TCAIM: variants seen among roughly 807,000 people sequenced by gnomAD.
The protein encoded by TCAIM is T-cell activation inhibitor, mitochondrial.
Under a neutral mutation model 58.6 loss-of-function variants are expected in TCAIM, and 36 were observed. The observed-to-expected ratio is 0.61, with a 90% CI of 0.47 to 0.81. The LOEUF is 0.81. Among genes scored for constraint, TCAIM ranks in the 30% least tolerant of loss-of-function variants. TCAIM has a pLI of 0.00. For missense variants in TCAIM, 466 were observed against 579.6 expected, an observed-to-expected ratio of 0.80 and a Z score of 2.01; for synonymous variants, 172 against 193.6, an observed-to-expected ratio of 0.89 and a Z score of 0.93.
intron 1 of TCAIM, among the ~76,000 whole-genome samples, chr3:44,342,991 G>A (rs377731806): frequency 7.9e-5 from 12 of 152,024 alleles, no homozygotes; most frequent in African/African-American, 1.9e-4. Flanking sequence ...ACAAAAATTC[G>A]CTGGGTGCGG....
intron 5 of TCAIM, among the ~76,000 whole-genome samples, chr3:44,376,827 G>A (rs1447966587): frequency 3.9e-5 from 6 of 152,192 alleles, no homozygotes; most frequent in Non-Finnish European, 7.3e-5. Context: ...GGTGGCTCAC[G>A]CCTGTAATCC....
intron 5 of TCAIM, among the ~76,000 whole-genome samples, chr3:44,381,385 G>T (rs1701652847): frequency 6.6e-6 from 1 of 152,034 alleles, no homozygotes; most frequent in South Asian, 2.1e-4. Flanking sequence ...CATCTAGAAT[G>T]ATCATGATGC....
chr3:44,394,559 G>T (rs1038092246), intron 6 of TCAIM, among the ~76,000 whole-genome samples: 2 of 151,900 alleles, frequency 1.3e-5, no homozygotes, highest in Admixed American at 6.6e-5. Context: ...ACAGTATCAT[G>T]GAGAAATTTC....
At chr3:44,402,321 G>A (rs1000693296) in intron 10 of TCAIM, among the ~76,000 whole-genome samples, 1 of 152,116 alleles carries the variant, frequency 6.6e-6, no homozygotes. Context: ...GAGGTGGGAG[G>A]ATTGATTGAG....
chr3:44,363,920 C>CTTT (rs56361211), intron 4 of TCAIM, among the ~76,000 whole-genome samples: 983 of 67,412 alleles, frequency 0.015, 100 homozygotes, highest in Non-Finnish European at 0.021. Context: ...GCAAGTCTGT[C>CTTT]TTTTTTTTTT....
chr3:44,398,490 T>TAGATAGAG (rs1701973551), intron 8 of TCAIM, among the ~76,000 whole-genome samples: 1 of 149,770 alleles, frequency 6.7e-6, no homozygotes, highest in South Asian at 2.2e-4. Context: ...GATAGATAGA[T>TAGATAGAG]AGATAGATAA....
rs753957351 is a variant in TCAIM, at chr3:44,407,496, G to A, written c.1305G>A (p.Leu435=). The A allele has an allele frequency of 4.3e-6, 7 of 1,612,026 alleles. No individual in the cohort carries two copies. In the South Asian group the frequency reaches 7.7e-5, roughly 18 times the overall value. The change falls in exon 11 of 11, where the codon TTG becomes TTA. Residue 435 remains leucine (L), a synonymous_variant. Coordinates refer to ENST00000342649, the MANE Select transcript of TCAIM (RefSeq NM_173826.4). ...LIQASTKKFS[L]EKLYKEPSIS... ...AGGCATCAACAAAGAAATTTTCTTT[G>A]GAGAAGTTATATAAAGAGCCCAGCA...
In TCAIM at chr3:44,396,809, T is replaced by G; in HGVS notation, c.860T>G (p.Met287Arg). The change falls in exon 8 of 11, where the codon ATG (methionine) becomes AGG (arginine). Residue 287 changes from methionine to arginine, a missense_variant. Transcript: ENST00000342649. ...SAVGHVMLGT[M>R]DVHHHWTKLF... ...GTGGGCCATGTGATGCTAGGAACAA[T>G]GGATGTCCATCACCACTGGACAAAA... 1 of 1,614,136 alleles carries G rather than the reference T, an allele frequency of 6.2e-7. No homozygotes were observed. The highest frequency in any genetic ancestry group is 8.5e-7 in the Non-Finnish European group (1 of 1,179,998).
chr3:44,388,495 G>A (rs1177674211), intron 5 of TCAIM, among the ~76,000 whole-genome samples: 3 of 152,148 alleles, frequency 2.0e-5, no homozygotes, highest in Non-Finnish European at 4.4e-5. Flanking sequence ...GTTGTTTTCA[G>A]TGTATTATAT....
In TCAIM at chr3:44,357,819, G is replaced by A; in HGVS notation, c.108G>A (p.Leu36=). The stretch of plus-strand genomic sequence containing the variant: ...CGGGAGCTGAAGCAGTCAATGCCTT[G>A]AGGCCTTTCTATTTTGCAGTACATC... ...ALSGAEAVNA[L]RPFYFAVHPD... Residue 36 remains leucine, a synonymous_variant, in exon 3 of 11, where the codon TTG becomes TTA. Coordinates refer to ENST00000342649, the MANE Select transcript of TCAIM (RefSeq NM_173826.4). 1 of 1,614,156 alleles carries A rather than the reference G, an allele frequency of 6.2e-7. No homozygotes were observed. The highest frequency in any genetic ancestry group is 2.2e-5 in the East Asian group (1 of 44,864).
intron 5 of TCAIM, among the ~76,000 whole-genome samples, chr3:44,378,591 G>A (rs1288943544): frequency 2.0e-5 from 3 of 151,448 alleles, no homozygotes; most frequent in Admixed American, 1.3e-4. Context: ...GCTAAGGCAG[G>A]CGAATCAAAG....
chr3:44,349,037 G>A (rs548067244), intron 1 of TCAIM, among the ~76,000 whole-genome samples: 4 of 150,108 alleles, frequency 2.7e-5, no homozygotes, highest in South Asian at 2.1e-4. Flanking sequence ...GTTGGGGAGC[G>A]GAGGCTAAGG....
intron 10 of TCAIM, among the ~76,000 whole-genome samples, chr3:44,403,272 AAAAT>A (rs1233224281): frequency 2.0e-5 from 3 of 152,332 alleles, no homozygotes; most frequent in South Asian, 2.1e-4. Flanking sequence ...CCGTCTCAGA[AAAAT>A]AAATAAATAG....
chr3:44,377,161 C>T (rs116112835), intron 5 of TCAIM, among the ~76,000 whole-genome samples: 3,255 of 152,040 alleles, frequency 0.021, 61 homozygotes, highest in African/African-American at 0.052. Flanking sequence ...ACTTTAGATC[C>T]GGAGTTGAAA....
chr3:44,341,510 T>C (rs1700853959), intron 1 of TCAIM: 1 of 152,210 alleles, frequency 6.6e-6, no homozygotes, highest in South Asian at 2.1e-4. Context: ...TTGAATTGTA[T>C]GTAGCCTTGG....
chr3:44,398,534 G>A (rs1055025852), intron 8 of TCAIM, among the ~76,000 whole-genome samples: 1 of 152,046 alleles, frequency 6.6e-6, no homozygotes, highest in African/African-American at 2.4e-5. Context: ...CACCAGGACG[G>A]CTAAAATGAA....
intron 5 of TCAIM, 100 bp downstream of exon 5, chr3:44,367,808 G>A (rs1701405534): frequency 8.3e-7 from 1 of 1,209,114 alleles, no homozygotes; most frequent in South Asian, 1.9e-5. Context: ...AATAAAAAGT[G>A]TAGTTCACAT....
intron 5 of TCAIM, among the ~76,000 whole-genome samples, chr3:44,380,794 T>C (rs1701644236): frequency 6.6e-6 from 1 of 152,140 alleles, no homozygotes; most frequent in East Asian, 1.9e-4. Context: ...GAGACTCAAA[T>C]TACTAAAATC....
intron 1 of TCAIM, among the ~76,000 whole-genome samples, chr3:44,343,693 G>A (rs1393516564): frequency 6.6e-6 from 1 of 152,184 alleles, no homozygotes; most frequent in Non-Finnish European, 1.5e-5. Context: ...CTACTGAAAT[G>A]TAAACCTTTT....
Sources: gnomAD v4.1 joint callset for allele counts (sites outside exome capture counted in the v4.1 genomes callset) on GRCh38, gnomAD v4.1.1 for gene constraint, MANE v1.5 for transcripts, NCBI Gene and HGNC (gene_info 2026-07-23, HGNC 2026-07-21) for gene names.